TF: variants seen among roughly 807,000 people sequenced by gnomAD.
TF encodes the protein serotransferrin.
In TF, 55 loss-of-function variants were observed where a neutral mutation model predicts 82.4. The observed-to-expected ratio is 0.67, with a 90% CI of 0.54 to 0.84. The LOEUF is 0.84. Among genes scored for constraint, TF ranks in the 40% least tolerant of loss-of-function variants. TF has a pLI of 0.00. For missense variants in TF, 737 were observed against 868.4 expected (o/e 0.85, Z 1.90); for synonymous variants, 332 against 332.6 (o/e 1.00, Z 0.02).
At chr3:133,749,516 G>A (rs914653507) in intron 2 of TF, among the ~76,000 whole-genome samples, 4 of 152,168 alleles carry the variant, frequency 2.6e-5, no homozygotes, top group Non-Finnish European at 4.4e-5. Context: ...GTACAATGGA[G>A]GGAAAAAGGA....
chr3:133,685,787 T>A, the TF span, among the ~76,000 whole-genome samples: 1 of 152,178 alleles, frequency 6.6e-6, no homozygotes, highest in African/African-American at 2.4e-5. Context: ...AGGTAATTTA[T>A]AGATTCAATG....
At chr3:133,667,023 G>A in the TF span, among the ~76,000 whole-genome samples, 6 of 150,848 alleles carry the variant, frequency 4.0e-5, no homozygotes, top group South Asian at 2.1e-4. Flanking sequence ...GCAGCAGAGC[G>A]AGACACTGTC....
At chr3:133,672,587 C>T in the TF span, among the ~76,000 whole-genome samples, 47 of 151,978 alleles carry the variant, frequency 3.1e-4, no homozygotes, top group Middle Eastern at 3.4e-3. Flanking sequence ...AGGAGTCCAG[C>T]GTGGTGGTGC....
At chr3:133,753,059 GA>G (rs553286166) in intron 2 of TF, among the ~76,000 whole-genome samples, 2 of 151,880 alleles carry the variant, frequency 1.3e-5, no homozygotes, top group Non-Finnish European at 2.9e-5. Context: ...TCTTCCCCCA[GA>G]AAAAAAATCT....
In TF at chr3:133,796,397, AAGG is replaced by A. The variant is rs1419026811; in HGVS notation, c.*17779_*17781del. The A allele has an allele frequency of 6.6e-6, 1 of 152,252 alleles. No individual in the cohort carries two copies. The highest frequency in any genetic ancestry group is 1.5e-5 in the Non-Finnish European group (1 of 68,090). 9.4% of individuals were successfully genotyped at this position (152,252 alleles called of 1,614,324 possible). On this transcript the variant is annotated 3_prime_UTR_variant, in exon 17 of 17. Transcript: ENST00000402696. ...AGGCAGAAGAATAGGGTCTGTAGGC[AAGG>A]AATATAAGGCAGATGCATGCTCACT... is the stretch of plus-strand genomic sequence containing the variant.
At chr3:133,689,532 A>G in the TF span, among the ~76,000 whole-genome samples, 2 of 152,182 alleles carry the variant, frequency 1.3e-5, no homozygotes, top group Non-Finnish European at 2.9e-5. Flanking sequence ...AATCAATAAA[A>G]TATTTATAAA....
the TF span, among the ~76,000 whole-genome samples, chr3:133,718,699 G>A: frequency 6.6e-6 from 1 of 152,186 alleles, no homozygotes; most frequent in Admixed American, 6.5e-5. Context: ...TTTCCAACAA[G>A]TTTCCAGCCA....
the TF span, chr3:133,709,616 C>T: frequency 5.8e-6 from 1 of 171,524 alleles, no homozygotes; most frequent in Admixed American, 5.7e-5. Flanking sequence ...CTTCTGCAAG[C>T]TGGAACATCC....
At chr3:133,684,329 A>C in the TF span, among the ~76,000 whole-genome samples, 3 of 152,246 alleles carry the variant, frequency 2.0e-5, no homozygotes, top group Admixed American at 6.5e-5. Context: ...AAAAGCTAGC[A>C]GAAGGCAAGA....
the TF span, among the ~76,000 whole-genome samples, chr3:133,738,933 T>C: frequency 1.3e-5 from 2 of 152,200 alleles, no homozygotes; most frequent in Non-Finnish European, 2.9e-5. Flanking sequence ...AAGTTACCAT[T>C]AACTTTCTTC....
intron 11 of TF, among the ~76,000 whole-genome samples, chr3:133,765,109 A>G (rs1934095862): frequency 6.6e-6 from 1 of 152,178 alleles, no homozygotes; most frequent in African/African-American, 2.4e-5. Context: ...TTTTCATTTA[A>G]TGCTATAAGG....
chr3:133,766,209 T>C, intron 11 of TF, 69 bp from the exon 12 acceptor site: 1 of 1,473,610 alleles, frequency 6.8e-7, no homozygotes, highest in Middle Eastern at 1.7e-4. Flanking sequence ...CTAGGGAAAT[T>C]GATTGGAAGC....
At chr3:133,736,592 T>A in the TF span, among the ~76,000 whole-genome samples, 3 of 40,418 alleles carry the variant, frequency 7.4e-5, no homozygotes, top group African/African-American at 2.0e-4. Flanking sequence ...AGGCTCAAAA[T>A]AAAGAGATAG....
chr3:133,704,680 C>T, the TF span, among the ~76,000 whole-genome samples: 9 of 152,254 alleles, frequency 5.9e-5, no homozygotes, highest in African/African-American at 2.2e-4. Context: ...CACATTTTAT[C>T]ATAGGTGAGA....
rs1234895381 is a variant in TF, at chr3:133,784,701, C to T, written c.*6081C>T. On this transcript the variant is annotated 3_prime_UTR_variant, in exon 17 of 17. Coordinates refer to ENST00000402696, the MANE Select transcript of TF (RefSeq NM_001063.4). ...TGATCTGAGGTGGAACAGTTTCATC[C>T]TGAAACCATGCCCCTACCTTCCATG... 1 of 152,038 alleles carries T rather than the reference C, an allele frequency of 6.6e-6. No homozygotes were observed. The highest frequency in any genetic ancestry group is 2.4e-5 in the African/African-American group (1 of 41,386). The allele number at this position is 152,038 out of a possible 1,614,324, so 9.4% of individuals were successfully genotyped here.
chr3:133,776,498 T>G (rs908716611), intron 15 of TF, among the ~76,000 whole-genome samples: 4 of 152,224 alleles, frequency 2.6e-5, no homozygotes, highest in African/African-American at 9.6e-5. Flanking sequence ...AATAAGCATT[T>G]AACATACATT....
chr3:133,719,289 G>GGA, the TF span, among the ~76,000 whole-genome samples: 1 of 152,112 alleles, frequency 6.6e-6, no homozygotes, highest in East Asian at 1.9e-4. Context: ...CCTGTTAACG[G>GGA]GAGAACACAA....
chr3:133,748,145 G>A (rs977738204), intron 1 of TF: 6 of 523,750 alleles, frequency 1.1e-5, no homozygotes, highest in Non-Finnish European at 1.4e-5. Flanking sequence ...GGAGCAGATT[G>A]TCATCTCCAG....
At chr3:133,766,839 C>T (rs1311232576) in intron 12 of TF, among the ~76,000 whole-genome samples, 3 of 152,168 alleles carry the variant, frequency 2.0e-5, no homozygotes, top group Admixed American at 6.5e-5. Flanking sequence ...CAGGCAGCCC[C>T]AGTCACCAAG....
Sources: allele counts gnomAD v4.1 joint callset (sites outside exome capture counted in the v4.1 genomes callset), GRCh38; gene constraint gnomAD v4.1.1; transcripts MANE v1.5; gene names NCBI Gene and HGNC (gene_info 2026-07-23, HGNC 2026-07-21).